Variants in ATP9B observed in about 807,000 individuals in gnomAD.
ATP9B encodes the protein probable phospholipid-transporting ATPase IIB.
ATP9B carries 110 observed loss-of-function variants against 146.1 expected under a neutral mutation model. That is an observed-to-expected ratio of 0.75 (90% CI 0.65 to 0.88). The LOEUF (loss-of-function observed/expected upper bound fraction) is 0.88, where lower values mean the gene tolerates loss of function less well. ATP9B is among the 40% of genes least tolerant of loss of function. The probability of loss-of-function intolerance (pLI) is 0.00; values close to 1 mark genes in which losing one functional copy is unlikely to be tolerated. For missense variants in ATP9B, 1,499 were observed against 1,496.4 expected, an observed-to-expected ratio of 1.00 and a Z score of -0.03; for synonymous variants, 604 against 569.7, an observed-to-expected ratio of 1.06 and a Z score of -0.86.
At chr18:79,213,667 A>G (rs1043280146) in intron 10 of ATP9B, among the ~76,000 whole-genome samples, 2 of 152,164 alleles carry the variant, frequency 1.3e-5, no homozygotes, top group Non-Finnish European at 2.9e-5. Flanking sequence ...AGTAGACAGT[A>G]GTGAAAGGCC....
At chr18:79,374,295 CCT>C (rs2097090429) in intron 28 of ATP9B, 194 bp downstream of exon 28, 4 of 595,652 alleles carry the variant, frequency 6.7e-6, no homozygotes, top group South Asian at 5.9e-5. Context: ...TGGCCGGTCC[CCT>C]GACAGGAGGC....
chr18:79,284,822 C>T (rs1016454541), intron 13 of ATP9B, among the ~76,000 whole-genome samples: 36 of 142,010 alleles, frequency 2.5e-4, no homozygotes, highest in Middle Eastern at 3.5e-3. Context: ...TTCCCGTGTC[C>T]GTGTGTTCTC....
rs1265318325 is a variant in ATP9B, at chr18:79,327,573, G to GTGCCCTCCGTGGTTAA, written c.1774-1568_1774-1567insTGCCCTCCGTGGTTAA. Reference sequence around the variant, plus strand: ...GTGGTTAGCGTGCTCTCCGTGGTTAGCGTGCTCTCCGTGGTTAACGTGCCC... The same window carrying GTGCCCTCCGTGGTTAA: ...GTGGTTAGCGTGCTCTCCGTGGTTAGTGCCCTCCGTGGTTAACGTGCTCTCCGTGGTTAACGTGCCC... On this transcript the variant is annotated intron_variant, in intron 15 of 29. Transcript: ENST00000426216. Among the ~76,000 whole-genome samples, 45 of 61,056 alleles carry GTGCCCTCCGTGGTTAA rather than the reference G, an allele frequency of 7.4e-4. 1 individual carries two copies. Among genetic ancestry groups the GTGCCCTCCGTGGTTAA allele is most frequent in the African/African-American group, 2.9e-3 (42 of 14,418 alleles). 40.1% of individuals were successfully genotyped at this position (61,056 alleles called of 152,430 possible). A position where few individuals can be genotyped will look rare whatever the true frequency, so the allele number is the denominator to read the frequency against.
intron 11 of ATP9B, among the ~76,000 whole-genome samples, chr18:79,233,041 C>G (rs2095806769): frequency 6.6e-6 from 1 of 152,136 alleles, no homozygotes; most frequent in Non-Finnish European, 1.5e-5. Context: ...CCTATAATCT[C>G]AGCACTTTGG....
At chr18:79,150,021 C>G (rs1261362387) in intron 6 of ATP9B, among the ~76,000 whole-genome samples, 2 of 152,062 alleles carry the variant, frequency 1.3e-5, no homozygotes, top group Non-Finnish European at 2.9e-5. Context: ...GCAGAGGTTG[C>G]AGTGAGCCAA....
chr18:79,272,392 T>C (rs2096265165), intron 12 of ATP9B, among the ~76,000 whole-genome samples: 2 of 152,202 alleles, frequency 1.3e-5, no homozygotes, highest in Admixed American at 6.5e-5. Flanking sequence ...ATGTGCCTGG[T>C]GCACATCTGC....
intron 1 of ATP9B, among the ~76,000 whole-genome samples, chr18:79,079,287 A>G (rs537585437): frequency 9.2e-5 from 14 of 152,294 alleles, no homozygotes; most frequent in Middle Eastern, 6.8e-3. Context: ...AACAGTATAA[A>G]AGTGTTCCTG....
intron 11 of ATP9B, among the ~76,000 whole-genome samples, chr18:79,231,811 C>CACACAT (rs2095796319): frequency 7.0e-6 from 1 of 143,496 alleles, no homozygotes. Context: ...TATACACACA[C>CACACAT]ACACCATGGA....
chr18:79,347,541 C>T (rs566497177), intron 23 of ATP9B, among the ~76,000 whole-genome samples: 10 of 152,330 alleles, frequency 6.6e-5, no homozygotes, highest in East Asian at 5.8e-4. Flanking sequence ...CTGTCAGAGC[C>T]GAGCTCTCCT....
chr18:79,073,672 A>T (rs2072255422), intron 1 of ATP9B, among the ~76,000 whole-genome samples: 1 of 152,144 alleles, frequency 6.6e-6, no homozygotes, highest in Admixed American at 6.5e-5. Flanking sequence ...GACGGAGACG[A>T]CGGAGAGGGA....
intron 26 of ATP9B, chr18:79,363,374 C>A (rs9304052): frequency 4.3e-4 from 3 of 6,984 alleles, no homozygotes; most frequent in Admixed American, 4.0e-3. Context: ...ACAGATGTTC[C>A]TGGATTGAGA....
chr18:79,234,092 A>G (rs767176009), intron 11 of ATP9B, among the ~76,000 whole-genome samples: 3 of 152,166 alleles, frequency 2.0e-5, no homozygotes, highest in Non-Finnish European at 2.9e-5. Flanking sequence ...AGTGCTGGTG[A>G]AAACAAGAGT....
chr18:79,226,079 T>C (rs1309300939), intron 11 of ATP9B, among the ~76,000 whole-genome samples: 3 of 152,226 alleles, frequency 2.0e-5, no homozygotes, highest in Non-Finnish European at 4.4e-5. Flanking sequence ...GAGTCCATAG[T>C]GCAGAGTTCA....
At chr18:79,173,751 G>T (rs779740518) in intron 7 of ATP9B, 3 of 455,744 alleles carry the variant, frequency 6.6e-6, no homozygotes, top group South Asian at 3.1e-5. Context: ...TTAAAATCTG[G>T]TGGGCTGATT....
chr18:79,091,960 A>G lies in ATP9B; in HGVS notation c.120-4516A>G, dbSNP rs142114553. ...GTGCATACATATTTAGGACTTTTAG[A>G]TCTTAGTGGTGATTTGATCCTTTTA... is the stretch of plus-strand genomic sequence containing the variant. On this transcript the variant is annotated intron_variant, in intron 1 of 29. Coordinates refer to ENST00000426216, the MANE Select transcript of ATP9B (RefSeq NM_198531.5). 1.2e-3 allele frequency among the ~76,000 whole-genome samples: 185 copies of G among 152,146 alleles called. 2 individuals are homozygous for G. Among genetic ancestry groups the G allele is most frequent in the South Asian group, 4.8e-3 (23 of 4,820 alleles).
At chr18:79,238,600 G>A (rs574785366) in intron 11 of ATP9B, among the ~76,000 whole-genome samples, 6 of 152,274 alleles carry the variant, frequency 3.9e-5, no homozygotes, top group Non-Finnish European at 7.4e-5. Context: ...CCCGTTCTGC[G>A]CTCTCCTCAA....
chr18:79,180,114 T>A (rs1012399824), intron 8 of ATP9B, among the ~76,000 whole-genome samples: 6 of 152,200 alleles, frequency 3.9e-5, no homozygotes, highest in Non-Finnish European at 7.4e-5. Flanking sequence ...ATGGTTTATC[T>A]TCCATTAGTG....
intron 4 of ATP9B, among the ~76,000 whole-genome samples, chr18:79,120,313 A>G (rs1036945696): frequency 3.3e-5 from 5 of 152,170 alleles, no homozygotes; most frequent in Admixed American, 6.5e-5. Context: ...ACCATTTTAC[A>G]GTTGTCGGTT....
chr18:79,304,265 A>G (rs918749604), intron 14 of ATP9B, among the ~76,000 whole-genome samples: 1 of 152,074 alleles, frequency 6.6e-6, no homozygotes, highest in Non-Finnish European at 1.5e-5. Flanking sequence ...TCATCTGTAA[A>G]TATGTATTAT....
Sources: allele counts gnomAD v4.1 joint callset (sites outside exome capture counted in the v4.1 genomes callset), GRCh38; gene constraint gnomAD v4.1.1; transcripts MANE v1.5; gene names NCBI Gene and HGNC (gene_info 2026-07-23, HGNC 2026-07-21).